AHI1: variants seen among roughly 807,000 people sequenced by gnomAD.
AHI1 encodes the protein jouberin.
A neutral mutation model predicts 149.3 loss-of-function variants in AHI1; 123 were observed. The ratio of observed to expected loss-of-function variants is 0.82; its 90% CI spans 0.71 to 0.96. The LOEUF (loss-of-function observed/expected upper bound fraction) is 0.96. AHI1 is among the 40% of genes least tolerant of loss of function. AHI1 has a pLI of 0.00. For synonymous variants in AHI1, 475 were observed against 459.8 expected (o/e 1.03, Z -0.42); for missense variants, 1,439 against 1,422.7 (o/e 1.01, Z -0.18).
chr6:135,493,461 A>T (rs184261000), intron 3 of AHI1, among the ~76,000 whole-genome samples: 1 of 152,334 alleles, frequency 6.6e-6, no homozygotes, highest in African/African-American at 2.4e-5. Context: ...GTCAAAACAG[A>T]CATCACTAAA....
chr6:135,348,998 T>C (rs930451372), intron 24 of AHI1, among the ~76,000 whole-genome samples: 2 of 152,144 alleles, frequency 1.3e-5, no homozygotes, highest in Non-Finnish European at 2.9e-5. Context: ...AACATATCTT[T>C]AAAACATCAA....
intron 28 of AHI1, among the ~76,000 whole-genome samples, chr6:135,288,626 G>A (rs1351313069): frequency 5.3e-5 from 8 of 151,588 alleles, no homozygotes; most frequent in Admixed American, 5.2e-4. Flanking sequence ...ATCTTTTCAT[G>A]TCCATAAAAA....
intron 24 of AHI1, among the ~76,000 whole-genome samples, chr6:135,340,199 G>GT (rs1251140019): frequency 1.3e-5 from 2 of 152,056 alleles, no homozygotes; most frequent in Non-Finnish European, 2.9e-5. Flanking sequence ...GTGAAACCCT[G>GT]TATCTACTAA....
intron 23 of AHI1, among the ~76,000 whole-genome samples, chr6:135,391,008 T>C (rs1332897386): frequency 6.6e-6 from 1 of 152,194 alleles, no homozygotes; most frequent in East Asian, 1.9e-4. Context: ...AAAATTGTAA[T>C]TTTTTTCTTC....
In AHI1 at chr6:135,463,187, TC is replaced by T; in HGVS notation, c.868del (p.Glu290LysfsTer37). 6.2e-7 allele frequency: 1 copy of T among 1,609,454 alleles called. No individual in the cohort carries two copies. The highest frequency in any genetic ancestry group is 8.5e-7 in the Non-Finnish European group (1 of 1,179,194). Reference protein sequence around the residue: ...DEISSMEQSTEDSMQDDTKPK... With the variant: ...DEISSMEQSTXDSMQDDTKPK... ...TTTTGTATCATCTTGCATGCTGTCT[TC>T]TGTGCTTTGTTCCATTGAGCTTATT... On this transcript the variant is annotated frameshift_variant, in exon 8 of 29. Coordinates refer to ENST00000265602, the MANE Select transcript of AHI1 (RefSeq NM_001134831.2). LOFTEE classifies it high-confidence loss of function.
chr6:135,485,855 G>A (rs1335536458), intron 5 of AHI1, among the ~76,000 whole-genome samples: 1 of 152,094 alleles, frequency 6.6e-6, no homozygotes, highest in Non-Finnish European at 1.5e-5. Context: ...ATAACAGGGA[G>A]CCTGTTATGG....
At chr6:135,443,506 C>G (rs1289071090) in intron 13 of AHI1, among the ~76,000 whole-genome samples, 6 of 152,124 alleles carry the variant, frequency 3.9e-5, no homozygotes, top group Admixed American at 3.3e-4. Flanking sequence ...TTCATCACAG[C>G]CACCCTATGA....
At chr6:135,311,110 T>C (rs554468571) in intron 26 of AHI1, among the ~76,000 whole-genome samples, 8 of 152,138 alleles carry the variant, frequency 5.3e-5, no homozygotes, top group Admixed American at 5.2e-4. Context: ...GAGATCAGCC[T>C]GGCCAGCATG....
intron 23 of AHI1, among the ~76,000 whole-genome samples, chr6:135,377,636 C>T (rs1013523911): frequency 1.3e-5 from 2 of 152,098 alleles, no homozygotes; most frequent in African/African-American, 2.4e-5. Context: ...TGTACCACCA[C>T]ACTCAGCTAC....
At chr6:135,369,358 TCA>T (rs1306551393) in intron 23 of AHI1, among the ~76,000 whole-genome samples, 1 of 152,218 alleles carries the variant, frequency 6.6e-6, no homozygotes, top group Non-Finnish European at 1.5e-5. Context: ...GAGCAAAAGT[TCA>T]CAGTGTGATT....
chr6:135,364,029 G>A (rs1317295107), intron 23 of AHI1, among the ~76,000 whole-genome samples: 461 of 143,506 alleles, frequency 3.2e-3, no homozygotes, highest in African/African-American at 0.011. Flanking sequence ...GGGCAGAGGC[G>A]CCCCTCACCT....
chr6:135,341,172 A>G (rs763792565), intron 24 of AHI1, among the ~76,000 whole-genome samples: 2 of 152,088 alleles, frequency 1.3e-5, no homozygotes, highest in Non-Finnish European at 2.9e-5. Flanking sequence ...AGAGATTATC[A>G]GAATGGATAA....
chr6:135,436,821 C>T (rs1011038853), intron 15 of AHI1, among the ~76,000 whole-genome samples: 4 of 152,090 alleles, frequency 2.6e-5, no homozygotes, highest in African/African-American at 7.3e-5. Flanking sequence ...AGGCTGATCT[C>T]GAACTCCTGA....
chr6:135,416,028 G>A (rs1782324447), intron 20 of AHI1, among the ~76,000 whole-genome samples: 1 of 152,050 alleles, frequency 6.6e-6, no homozygotes, highest in South Asian at 2.1e-4. Flanking sequence ...AGTAACTTTT[G>A]GGGATGAAAT....
intron 24 of AHI1, among the ~76,000 whole-genome samples, chr6:135,355,306 C>T (rs1194632379): frequency 6.7e-6 from 1 of 149,488 alleles, no homozygotes; most frequent in South Asian, 2.1e-4. Context: ...TTTTCACTTT[C>T]TATTAAAGGT....
At chr6:135,431,154 G>T in intron 17 of AHI1, 54 bp downstream of exon 17, 1 of 1,207,258 alleles carries the variant, frequency 8.3e-7, no homozygotes, top group South Asian at 1.4e-5. Flanking sequence ...TCATGTGATT[G>T]GATTTTTCCA....
At chr6:135,349,695 A>G (rs1254270732) in intron 24 of AHI1, among the ~76,000 whole-genome samples, 1 of 152,232 alleles carries the variant, frequency 6.6e-6, no homozygotes, top group African/African-American at 2.4e-5. Flanking sequence ...GTGAGCATTC[A>G]AAGGATCACC....
At chr6:135,444,553 T>A (rs1786856969) in intron 13 of AHI1, among the ~76,000 whole-genome samples, 1 of 152,228 alleles carries the variant, frequency 6.6e-6, no homozygotes, top group South Asian at 2.1e-4. Flanking sequence ...AGCATCCTAG[T>A]CTATCTCAAG....
intron 26 of AHI1, among the ~76,000 whole-genome samples, chr6:135,313,762 T>G (rs574066884): frequency 6.6e-6 from 1 of 152,134 alleles, no homozygotes; most frequent in South Asian, 2.1e-4. Flanking sequence ...CACAGGCACA[T>G]CAGGAAGAGG....
Sources: gnomAD v4.1 joint callset for allele counts (sites outside exome capture counted in the v4.1 genomes callset) on GRCh38, gnomAD v4.1.1 for gene constraint, MANE v1.5 for transcripts, NCBI Gene and HGNC (gene_info 2026-07-23, HGNC 2026-07-21) for gene names.